Variants in PPARGC1A observed in about 807,000 individuals in gnomAD.
PPARGC1A encodes PPARG coactivator 1 alpha.
PPARGC1A carries 25 observed loss-of-function variants against 88.7 expected under a neutral mutation model. That is an observed-to-expected ratio of 0.28 (90% CI 0.21 to 0.39). The LOEUF (loss-of-function observed/expected upper bound fraction) is 0.39, where lower values mean the gene tolerates loss of function less well. Among genes scored for constraint, PPARGC1A ranks in the 10% least tolerant of loss-of-function variants. The pLI is 1.00. For missense variants in PPARGC1A, 880 were observed against 968.7 expected (o/e 0.91, Z 1.22); for synonymous variants, 363 against 355.6 (o/e 1.02, Z -0.24).
chr4:24,463,958 T>C, the PPARGC1A span, among the ~76,000 whole-genome samples: 1 of 152,258 alleles, frequency 6.6e-6, no homozygotes, highest in African/African-American at 2.4e-5. Flanking sequence ...TGTTTACCTG[T>C]CACCTAGGCT....
the PPARGC1A span, among the ~76,000 whole-genome samples, chr4:24,003,662 A>C: frequency 6.6e-6 from 1 of 152,240 alleles, no homozygotes; most frequent in East Asian, 1.9e-4. Context: ...AAAAGACCAG[A>C]GTGGCTGCAA....
chr4:24,013,128 G>A, the PPARGC1A span, among the ~76,000 whole-genome samples: 3 of 152,118 alleles, frequency 2.0e-5, no homozygotes, highest in Non-Finnish European at 4.4e-5. Context: ...TAGATGCTGT[G>A]GATGTGGCAG....
chr4:24,189,350 A>G, the PPARGC1A span, among the ~76,000 whole-genome samples: 2 of 152,080 alleles, frequency 1.3e-5, no homozygotes, highest in Non-Finnish European at 2.9e-5. Context: ...GGGAGACTTG[A>G]TCTAAATGAT....
At chr4:24,125,095 TAGTGAAAA>T in the PPARGC1A span, among the ~76,000 whole-genome samples, 1 of 152,128 alleles carries the variant, frequency 6.6e-6, no homozygotes, top group Admixed American at 6.5e-5. Context: ...CAGTTGAGAG[TAGTGAAAA>T]GATCTCAAAA....
chr4:24,463,788 A>C, the PPARGC1A span, among the ~76,000 whole-genome samples: 1 of 152,232 alleles, frequency 6.6e-6, no homozygotes, highest in African/African-American at 2.4e-5. Context: ...GGAGTGGGAA[A>C]AAAAAGTCAA....
chr4:24,403,050 G>A, the PPARGC1A span, among the ~76,000 whole-genome samples: 151,422 of 152,346 alleles, frequency 0.99, 75,259 homozygotes, highest in Middle Eastern at 1. Context: ...GTATGTAGGA[G>A]AAGAAATTAA....
At chr4:23,990,040 C>T in the PPARGC1A span, among the ~76,000 whole-genome samples, 1 of 142,544 alleles carries the variant, frequency 7.0e-6, no homozygotes, top group African/African-American at 2.6e-5. Flanking sequence ...ATCTATATAT[C>T]CCTAGAAATA....
the PPARGC1A span, among the ~76,000 whole-genome samples, chr4:24,137,295 C>G: frequency 4.0e-5 from 6 of 151,798 alleles, no homozygotes; most frequent in Non-Finnish European, 5.9e-5. Context: ...CAGAGGAAAA[C>G]AACCCTGCCA....
At chr4:24,319,084 C>T in the PPARGC1A span, among the ~76,000 whole-genome samples, 3 of 152,072 alleles carry the variant, frequency 2.0e-5, no homozygotes, top group Non-Finnish European at 4.4e-5. Flanking sequence ...CGGTGGCTTA[C>T]GGTTGTAATC....
chr4:23,980,194 A>C, the PPARGC1A span, among the ~76,000 whole-genome samples: 1 of 151,728 alleles, frequency 6.6e-6, no homozygotes, highest in Non-Finnish European at 1.5e-5. Flanking sequence ...GCAAAAAAAA[A>C]AAAAAAAAAA....
At chr4:24,217,753 A>C in the PPARGC1A span, among the ~76,000 whole-genome samples, 1 of 152,314 alleles carries the variant, frequency 6.6e-6, no homozygotes, top group East Asian at 1.9e-4. Context: ...CAGTGAGCCA[A>C]GAGTGTGCCC....
chr4:24,464,359 A>G, the PPARGC1A span, among the ~76,000 whole-genome samples: 19 of 152,362 alleles, frequency 1.2e-4, no homozygotes, highest in Admixed American at 4.6e-4. Context: ...CAAATTATAC[A>G]TTATAATTCC....
chr4:24,052,297 G>C, the PPARGC1A span, among the ~76,000 whole-genome samples: 12 of 152,274 alleles, frequency 7.9e-5, no homozygotes, highest in South Asian at 2.5e-3. Context: ...AGCTGAACTT[G>C]ATGGGGATGA....
the PPARGC1A span, among the ~76,000 whole-genome samples, chr4:24,313,535 T>C: frequency 2.0e-5 from 3 of 152,232 alleles, no homozygotes; most frequent in Non-Finnish European, 2.9e-5. Context: ...TTGGAAAGTT[T>C]ATTCAGTTTC....
At chr4:24,432,120 A>G in the PPARGC1A span, among the ~76,000 whole-genome samples, 9 of 152,230 alleles carry the variant, frequency 5.9e-5, no homozygotes, top group African/African-American at 1.9e-4. Context: ...GATCATGTAT[A>G]GACTCAGGTG....
At chr4:24,318,395 C>G in the PPARGC1A span, among the ~76,000 whole-genome samples, 2 of 152,274 alleles carry the variant, frequency 1.3e-5, no homozygotes, top group East Asian at 3.9e-4. Context: ...TTCAGGTAGA[C>G]TAGAAGGAAC....
the PPARGC1A span, among the ~76,000 whole-genome samples, chr4:24,353,942 C>T: frequency 6.6e-6 from 1 of 152,198 alleles, no homozygotes; most frequent in Non-Finnish European, 1.5e-5. Flanking sequence ...GCCCCTGGAA[C>T]AAATTATCAC....
the PPARGC1A span, among the ~76,000 whole-genome samples, chr4:24,345,574 C>A: frequency 6.6e-6 from 1 of 151,938 alleles, no homozygotes; most frequent in African/African-American, 2.4e-5. Context: ...TGATTTCATT[C>A]TCTGCTTGGT....
chr4:23,919,797 T>A, the PPARGC1A span, among the ~76,000 whole-genome samples: 1 of 152,154 alleles, frequency 6.6e-6, no homozygotes, highest in East Asian at 1.9e-4. Context: ...ACAGATAAAG[T>A]AGCTTAGCAG....
Sources: gnomAD v4.1 joint callset for allele counts (sites outside exome capture counted in the v4.1 genomes callset) on GRCh38, gnomAD v4.1.1 for gene constraint, MANE v1.5 for transcripts, NCBI Gene and HGNC (gene_info 2026-07-23, HGNC 2026-07-21) for gene names.